Variants in XKR4 observed in about 807,000 individuals in gnomAD.
XKR4 encodes the protein XK related 4, also known as XK-related protein 4.
A neutral mutation model predicts 53.9 loss-of-function variants in XKR4; 12 were observed. The ratio of observed to expected loss-of-function variants is 0.22; its 90% confidence interval spans 0.14 to 0.36. XKR4 has a LOEUF of 0.36. Among genes scored for constraint, XKR4 ranks in the 10% least tolerant of loss-of-function variants. The probability of loss-of-function intolerance (pLI) is 1.00; values close to 1 mark genes in which losing one functional copy is unlikely to be tolerated. For missense variants in XKR4, 799 were observed against 859.5 expected, an observed-to-expected ratio of 0.93 and a Z score of 0.88; for synonymous variants, 354 against 362.4, an observed-to-expected ratio of 0.98 and a Z score of 0.26.
intron 2 of XKR4, among the ~76,000 whole-genome samples, chr8:55,363,673 C>T (rs375080996): frequency 3.3e-5 from 5 of 152,158 alleles, no homozygotes; most frequent in African/African-American, 1.2e-4. Context: ...AAATCCCAGT[C>T]ACCCCTGTGC....
Position 55,102,731 on chromosome 8 carries a change from C to T in XKR4, c.243C>T (p.Gly81=). The stretch of plus-strand genomic sequence containing the variant: ...GCTCCGCGGGCTCGGGCGGCTCCGG[C>T]GGCGTCGCCGGCCCGGGCGGCGGCG... ...SGGSAGSGGS[G]GVAGPGGGGA... Residue 81 remains glycine, a synonymous_variant, in exon 1 of 3, where the codon GGC becomes GGT. Transcript: ENST00000327381. The surrounding 1 kb of genome is among the most constrained non-coding windows in gnomAD (Gnocchi z 5.1). 1 of 1,177,554 alleles carries T rather than the reference C, an allele frequency of 8.5e-7. No homozygotes were observed. 72.9% of individuals were successfully genotyped at this position (1,177,554 alleles called of 1,614,324 possible).
rs868007354 is a variant in XKR4 at position 55,525,202 on chromosome 8, C to T, written c.*975C>T. The T allele has an allele frequency of 5.2e-5, 8 of 152,732 alleles. No homozygotes were observed. Among genetic ancestry groups the T allele is most frequent in the Non-Finnish European group, 1.0e-4 (7 of 68,062 alleles). The allele number at this position is 152,732 out of a possible 1,614,324, so 9.5% of individuals were successfully genotyped here. A position where few individuals can be genotyped will look rare whatever the true frequency, so the allele number is the denominator to read the frequency against. ...CGCAGAATGAGTGGCTCTGTGTGAC[C>T]ATAGGCAGATGCTGACTCTGGAAGA... On this transcript the variant is annotated 3_prime_UTR_variant, in exon 3 of 3. Coordinates refer to ENST00000327381, the MANE Select transcript of XKR4 (RefSeq NM_052898.2).
intron 1 of XKR4, among the ~76,000 whole-genome samples, chr8:55,149,317 G>A (rs1213348748): frequency 1.3e-5 from 2 of 151,866 alleles, no homozygotes; most frequent in South Asian, 4.1e-4. Context: ...CTTTTTCTAG[G>A]TGCTAGGGAA....
chr8:55,361,345 C>A (rs987556062), intron 2 of XKR4, among the ~76,000 whole-genome samples: 1 of 151,988 alleles, frequency 6.6e-6, no homozygotes, highest in Non-Finnish European at 1.5e-5. Flanking sequence ...GGAGGGAGAC[C>A]CCACTCGACC....
intron 1 of XKR4, among the ~76,000 whole-genome samples, chr8:55,182,064 G>A (rs1483930760): frequency 6.6e-6 from 1 of 151,976 alleles, no homozygotes; most frequent in Non-Finnish European, 1.5e-5. Context: ...CTTTTTTGAA[G>A]TGTCTACTCA....
chr8:55,505,978 G>A (rs1469496463), intron 2 of XKR4, among the ~76,000 whole-genome samples: 1 of 152,196 alleles, frequency 6.6e-6, no homozygotes, highest in Non-Finnish European at 1.5e-5. Flanking sequence ...TTTTTCAAGA[G>A]CTGTCATATG....
chr8:55,481,159 C>A (rs1806097307), intron 2 of XKR4, among the ~76,000 whole-genome samples: 1 of 150,520 alleles, frequency 6.6e-6, no homozygotes, highest in Non-Finnish European at 1.5e-5. Flanking sequence ...TACTACAAGG[C>A]TACAGTAAAC....
At chr8:55,115,496 C>G (rs1217121955) in intron 1 of XKR4, among the ~76,000 whole-genome samples, 1 of 151,810 alleles carries the variant, frequency 6.6e-6, no homozygotes, top group East Asian at 1.9e-4. Flanking sequence ...ATTGAAAGTC[C>G]ATTATTTGCT....
chr8:55,280,265 A>G lies in XKR4; in HGVS notation c.807-77413A>G, dbSNP rs560239278. On this transcript the variant is annotated intron_variant, in intron 1 of 2. Transcript: ENST00000327381. ...CATTGTTTCTCTTTCCTTTGGCTCAAAAGGGAGTTTGTTTGTTAGGCGCCC... is the reference window on the plus strand; with the variant it reads ...CATTGTTTCTCTTTCCTTTGGCTCAGAAGGGAGTTTGTTTGTTAGGCGCCC... Among the ~76,000 whole-genome samples, 6 of 152,316 alleles carry G rather than the reference A, an allele frequency of 3.9e-5. No homozygotes were observed. In the East Asian group the frequency reaches 7.7e-4, roughly 20 times the overall value.
In XKR4 at chr8:55,280,057, G is replaced by T. The variant is rs561380434; in HGVS notation, c.807-77621G>T. Among the ~76,000 whole-genome samples the T allele has an allele frequency of 5.3e-5, 8 of 152,250 alleles. No individual in the cohort carries two copies. The South Asian group carries it at 8.3e-4, about 16-fold the overall frequency. On this transcript the variant is annotated intron_variant, in intron 1 of 2. Coordinates refer to ENST00000327381, the MANE Select transcript of XKR4 (RefSeq NM_052898.2). ...CTCCCTTTGGCCTTGTAATGTGTTT[G>T]TGTTTCATTCAAATGCAAGCTATCT... is the stretch of plus-strand genomic sequence containing the variant.
chr8:55,362,578 G>A (rs1453937699), intron 2 of XKR4, among the ~76,000 whole-genome samples: 1 of 152,170 alleles, frequency 6.6e-6, no homozygotes, highest in African/African-American at 2.4e-5. Flanking sequence ...CTTAAGATAA[G>A]TCACCCAGAA....
intron 1 of XKR4, among the ~76,000 whole-genome samples, chr8:55,274,091 C>G (rs756848947): frequency 2.6e-5 from 4 of 152,194 alleles, no homozygotes; most frequent in Non-Finnish European, 4.4e-5. Context: ...GGGCATTGAG[C>G]AAGTTCAGGA....
chr8:55,105,655 TC>T (rs1446239444), intron 1 of XKR4, among the ~76,000 whole-genome samples: 1 of 152,198 alleles, frequency 6.6e-6, no homozygotes, highest in Non-Finnish European at 1.5e-5. Flanking sequence ...TATCATCTAA[TC>T]TAACTATTCT....
intron 1 of XKR4, among the ~76,000 whole-genome samples, chr8:55,231,717 G>A (rs1244169313): frequency 6.6e-6 from 1 of 152,124 alleles, no homozygotes; most frequent in Non-Finnish European, 1.5e-5. Flanking sequence ...GATTTCCAGT[G>A]CTATCTGGGC....
At chr8:55,256,503 G>A (rs897680686) in intron 1 of XKR4, among the ~76,000 whole-genome samples, 3 of 152,178 alleles carry the variant, frequency 2.0e-5, no homozygotes, top group Non-Finnish European at 1.5e-5. Context: ...GAAACATTTA[G>A]GAAACAATAT....
intron 1 of XKR4, among the ~76,000 whole-genome samples, chr8:55,335,671 C>T (rs1182066301): frequency 6.6e-6 from 1 of 152,094 alleles, no homozygotes; most frequent in Non-Finnish European, 1.5e-5. Context: ...TGGAGACAAT[C>T]CAAATGTCCT....
chr8:55,473,448 A>G (rs980446277), intron 2 of XKR4, among the ~76,000 whole-genome samples: 1 of 152,216 alleles, frequency 6.6e-6, no homozygotes, highest in Non-Finnish European at 1.5e-5. Context: ...AATAATAAGT[A>G]GAATGTCAAG....
chr8:55,299,317 G>T (rs762432844), intron 1 of XKR4, among the ~76,000 whole-genome samples: 2 of 152,166 alleles, frequency 1.3e-5, no homozygotes, highest in Admixed American at 6.5e-5. Flanking sequence ...GAGGGAGCTT[G>T]TCACAGATGA....
At chr8:55,404,839 C>A (rs1363407990) in intron 2 of XKR4, among the ~76,000 whole-genome samples, 3 of 152,142 alleles carry the variant, frequency 2.0e-5, no homozygotes, top group Non-Finnish European at 1.5e-5. Context: ...ACCTGTCCAT[C>A]ATGGTGGAGG....
Sources: gnomAD v4.1 joint callset for allele counts (sites outside exome capture counted in the v4.1 genomes callset) on GRCh38, gnomAD v4.1.1 for gene constraint, Gnocchi (gnomAD v3.1) non-coding constraint, MANE v1.5 for transcripts, NCBI Gene and HGNC (gene_info 2026-07-23, HGNC 2026-07-21) for gene names.